The following EEPD1 variants were observed in gnomAD, a reference collection of about 807,000 sequenced individuals.
EEPD1 encodes endonuclease/exonuclease/phosphatase family domain-containing protein 1.
EEPD1 carries 17 observed loss-of-function variants against 46.3 expected under a neutral mutation model. The ratio of observed to expected loss-of-function variants is 0.37; its 90% CI spans 0.25 to 0.55. The LOEUF (loss-of-function observed/expected upper bound fraction) is 0.55. Among genes scored for constraint, EEPD1 ranks in the 20% least tolerant of loss-of-function variants. The probability of loss-of-function intolerance (pLI) is 0.83; values close to 1 mark genes in which losing one functional copy is unlikely to be tolerated. For synonymous variants in EEPD1, 313 were observed against 315.6 expected (o/e 0.99, Z 0.09); for missense variants, 673 against 745.6 (o/e 0.90, Z 1.13).
chr7:36,283,515 G>A (rs553114705), intron 4 of EEPD1, among the ~76,000 whole-genome samples: 1 of 152,306 alleles, frequency 6.6e-6, no homozygotes, highest in South Asian at 2.1e-4. Flanking sequence ...CAGCAGGGCA[G>A]TCATACCTCC....
chr7:36,290,823 A>G (rs196602), intron 6 of EEPD1, among the ~76,000 whole-genome samples: 13,271 of 152,184 alleles, frequency 0.087, 683 homozygotes, highest in Non-Finnish European at 0.11. Context: ...GTCAGCCCAA[A>G]ACGTTCTCCC....
At chr7:36,168,770 A>AT (rs1785031888) in intron 2 of EEPD1, among the ~76,000 whole-genome samples, 1 of 147,872 alleles carries the variant, frequency 6.8e-6, no homozygotes, top group East Asian at 2.0e-4. Flanking sequence ...AAAAAAAAAA[A>AT]GGTTGGGGGA....
chr7:36,218,991 G>A (rs964446982), intron 2 of EEPD1, among the ~76,000 whole-genome samples: 4 of 152,160 alleles, frequency 2.6e-5, no homozygotes, highest in African/African-American at 9.7e-5. Flanking sequence ...GGTAGAGCAA[G>A]AAAGTGGGGT....
chr7:36,289,891 T>TA (rs1583480671), intron 6 of EEPD1, among the ~76,000 whole-genome samples: 1 of 152,356 alleles, frequency 6.6e-6, no homozygotes, highest in East Asian at 1.9e-4. Context: ...GACACTTGGG[T>TA]AGCTTCCACC....
chr7:36,201,266 G>A (rs1261460496), intron 2 of EEPD1, among the ~76,000 whole-genome samples: 1 of 152,172 alleles, frequency 6.6e-6, no homozygotes, highest in Non-Finnish European at 1.5e-5. Context: ...AAGAACATTT[G>A]TGGACAAATG....
chr7:36,158,167 G>A (rs1212689621), intron 2 of EEPD1, among the ~76,000 whole-genome samples: 6 of 152,192 alleles, frequency 3.9e-5, no homozygotes, highest in African/African-American at 1.4e-4. Flanking sequence ...TAAGTTAGAT[G>A]ACATGACTCT....
At position 36,177,844 on chromosome 7, in the gene EEPD1, G is replaced by A. The variant is rs1431719954; in HGVS notation, c.878+22642G>A. Among the ~76,000 whole-genome samples, 4 of 152,114 alleles carry A rather than the reference G, an allele frequency of 2.6e-5. No individual in the cohort carries two copies. The East Asian group carries it at 7.7e-4, about 29-fold the overall frequency. ...TTCTCCTGCCTCAACCTCCCGAGTAGCTAGGATTACGGGTGCGCACCTCCA... is the reference window on the plus strand; with the variant it reads ...TTCTCCTGCCTCAACCTCCCGAGTAACTAGGATTACGGGTGCGCACCTCCA... On this transcript the variant is annotated intron_variant, in intron 2 of 7. Transcript: ENST00000242108.
At chr7:36,195,363 A>G (rs557424224) in intron 2 of EEPD1, among the ~76,000 whole-genome samples, 99 of 152,308 alleles carry the variant, frequency 6.5e-4, no homozygotes, top group African/African-American at 2.3e-3. Context: ...TGTGGTGGCA[A>G]TGCCTCACTG....
At chr7:36,272,876 G>A (rs35236079) in intron 3 of EEPD1, among the ~76,000 whole-genome samples, 9,299 of 152,272 alleles carry the variant, frequency 0.061, 476 homozygotes, top group East Asian at 0.15. Context: ...GACAAGGAAG[G>A]GTGGGACCTG....
At chr7:36,212,506 A>G (rs1027639778) in intron 2 of EEPD1, among the ~76,000 whole-genome samples, 3 of 149,676 alleles carry the variant, frequency 2.0e-5, no homozygotes, top group Non-Finnish European at 4.4e-5. Context: ...ACACCAGAAT[A>G]CAATATAACC....
intron 6 of EEPD1, among the ~76,000 whole-genome samples, chr7:36,289,538 AGGCTGGAGTGCAGAGGCACGATCTC>A (rs1253961423): frequency 6.6e-6 from 1 of 152,246 alleles, no homozygotes; most frequent in African/African-American, 2.4e-5. Flanking sequence ...TGTGTCGCCC[AGGCTGGAGTGCAGAGGCACGATCTC>A]GGCTCACTGC....
At chr7:36,192,271 AT>A (rs1243194182) in intron 2 of EEPD1, among the ~76,000 whole-genome samples, 1 of 152,248 alleles carries the variant, frequency 6.6e-6, no homozygotes, top group African/African-American at 2.4e-5. Context: ...ACCACAAATT[AT>A]TTTTAAAAGG....
intron 2 of EEPD1, among the ~76,000 whole-genome samples, chr7:36,159,927 G>A (rs1052847315): frequency 5.3e-5 from 8 of 152,228 alleles, no homozygotes; most frequent in Admixed American, 2.0e-4. Flanking sequence ...AAAGATGGTC[G>A]GTAGTAAGAG....
intron 2 of EEPD1, among the ~76,000 whole-genome samples, chr7:36,238,355 G>A (rs1786493483): frequency 6.6e-6 from 1 of 152,118 alleles, no homozygotes; most frequent in Non-Finnish European, 1.5e-5. Context: ...TGGGAATACA[G>A]CCCAGTATGT....
chr7:36,202,991 A>G lies in EEPD1; in HGVS notation c.879-35994A>G, dbSNP rs1287893239. ...CATGGCCCTGCAGGCTCCTTCCAGC[A>G]TCTGTGTCCTTGCCCTGGATTAATC... is the stretch of plus-strand genomic sequence containing the variant. On this transcript the variant is annotated intron_variant, in intron 2 of 7. Transcript: ENST00000242108. Among the ~76,000 whole-genome samples, 3 of 152,278 alleles carry G rather than the reference A, an allele frequency of 2.0e-5. No individual in the cohort carries two copies. The East Asian group carries it at 5.8e-4, about 29-fold the overall frequency.
intron 2 of EEPD1, among the ~76,000 whole-genome samples, chr7:36,179,490 C>T (rs1032661810): frequency 1.3e-4 from 19 of 151,102 alleles, no homozygotes; most frequent in East Asian, 5.8e-4. Context: ...GGAGGCAAGG[C>T]GGGAGGATTG....
intron 6 of EEPD1, among the ~76,000 whole-genome samples, chr7:36,292,464 T>A (rs34314352): frequency 1.3e-5 from 2 of 151,452 alleles, no homozygotes; most frequent in Admixed American, 1.3e-4. Flanking sequence ...TCCCTCCTTG[T>A]CTTTCTCTCT....
chr7:36,189,930 G>T (rs1185261261), intron 2 of EEPD1, among the ~76,000 whole-genome samples: 5 of 152,156 alleles, frequency 3.3e-5, no homozygotes, highest in Non-Finnish European at 7.4e-5. Flanking sequence ...GAGGCAGGAG[G>T]ATCGCTTGAG....
chr7:36,163,597 A>T (rs898525605), intron 2 of EEPD1, among the ~76,000 whole-genome samples: 4 of 152,188 alleles, frequency 2.6e-5, no homozygotes, highest in African/African-American at 9.7e-5. Flanking sequence ...TCTTCTGTTC[A>T]GGCTGGGCGC....
Sources: allele counts gnomAD v4.1 joint callset (sites outside exome capture counted in the v4.1 genomes callset), GRCh38; gene constraint gnomAD v4.1.1; transcripts MANE v1.5; gene names NCBI Gene and HGNC (gene_info 2026-07-23, HGNC 2026-07-21).